PRMT9: variants seen among roughly 807,000 people sequenced by gnomAD.
The protein encoded by PRMT9 is protein arginine N-methyltransferase 9.
A neutral mutation model predicts 83.2 loss-of-function variants in PRMT9; 59 were observed. The observed-to-expected ratio is 0.71, with a 90% confidence interval of 0.57 to 0.88. PRMT9 has a LOEUF of 0.88. PRMT9 is among the 40% of genes least tolerant of loss of function. The probability of loss-of-function intolerance (pLI) is 0.00; values close to 1 mark genes in which losing one functional copy is unlikely to be tolerated. For synonymous variants in PRMT9, 333 were observed against 353.2 expected (o/e 0.94, Z 0.64); for missense variants, 947 against 1,021.9 (o/e 0.93, Z 1.00).
chr4:147,682,579 G>A (rs562259281), intron 1 of PRMT9, among the ~76,000 whole-genome samples: 5 of 152,280 alleles, frequency 3.3e-5, no homozygotes, highest in African/African-American at 1.2e-4. Context: ...CAAAGTGCTG[G>A]GATTACAGGC....
rs747281440 is a variant in PRMT9 at position 147,673,798 on chromosome 4, C to T, written c.415G>A (p.Glu139Lys). 5.6e-6 allele frequency: 9 copies of T among 1,614,048 alleles called. No homozygotes were observed. The highest frequency in any genetic ancestry group is 7.6e-6 in the Non-Finnish European group (9 of 1,180,024). The change falls in exon 3 of 12, where the codon GAG (glutamate) becomes AAG (lysine). Residue 139 changes from glutamate to lysine, a missense_variant. Glu to Lys is a moderately conservative substitution (Grantham distance 56). Transcript: ENST00000322396. ...KLNPDFSDAK[E>K]NFYRVANWLV... Reference sequence around the variant, plus strand: ...CAGTTTGCAACACGATAAAAATTCTCCTTTGCATCACTGAAATCAGGGTTT... The same window carrying T: ...CAGTTTGCAACACGATAAAAATTCTTCTTTGCATCACTGAAATCAGGGTTT...
chr4:147,652,791 G>A (rs925924284), intron 9 of PRMT9, among the ~76,000 whole-genome samples: 1 of 151,398 alleles, frequency 6.6e-6, no homozygotes, highest in Non-Finnish European at 1.5e-5. Context: ...GCTTTCCACA[G>A]TAGTATGTGT....
chr4:147,649,003 T>C (rs1733920110), intron 9 of PRMT9, among the ~76,000 whole-genome samples: 1 of 152,180 alleles, frequency 6.6e-6, no homozygotes, highest in Non-Finnish European at 1.5e-5. Context: ...CAGAAATCTT[T>C]TGCAAAGCTA....
intron 6 of PRMT9, among the ~76,000 whole-genome samples, chr4:147,662,370 A>C (rs542099369): frequency 6.6e-6 from 1 of 152,312 alleles, no homozygotes; most frequent in Non-Finnish European, 1.5e-5. Flanking sequence ...CTTCCTGCAC[A>C]CTTTATATTA....
intron 11 of PRMT9, 53 bp from the exon 12 acceptor site, chr4:147,638,800 A>G (rs1312669661): frequency 4.5e-5 from 64 of 1,410,192 alleles, no homozygotes; most frequent in Middle Eastern, 1.9e-4. Context: ...GTAGACTTAG[A>G]TAAGTCTCTT....
intron 6 of PRMT9, among the ~76,000 whole-genome samples, chr4:147,664,513 T>C (rs1735187063): frequency 6.6e-6 from 1 of 152,214 alleles, no homozygotes; most frequent in South Asian, 2.1e-4. Context: ...TTGCAGGCTG[T>C]ACATTTTGGA....
In PRMT9 at chr4:147,657,907, T is replaced by A. The variant is rs770313036; in HGVS notation, c.1215A>T (p.Leu405=). The A allele has an allele frequency of 6.2e-7, 1 of 1,607,294 alleles. No homozygotes were observed. Among genetic ancestry groups the A allele is most frequent in the South Asian group, 1.1e-5 (1 of 90,602 alleles). The change falls in exon 8 of 12, where the codon CTA becomes CTT. Residue 405 remains leucine (L), a synonymous_variant. Coordinates refer to ENST00000322396, the MANE Select transcript of PRMT9 (RefSeq NM_138364.4). The part of the protein sequence containing the change: ...IGIPVIKEGI[L]DAIMVWFVLQ... ...GCACAAACCAAACCATAATAGCATC[T>A]AGTATGCCTTCTTTAATAACAGGAA...
intron 2 of PRMT9, among the ~76,000 whole-genome samples, chr4:147,678,795 T>C (rs1388599866): frequency 2.6e-5 from 4 of 152,186 alleles, no homozygotes; most frequent in African/African-American, 9.7e-5. Flanking sequence ...CTGTCATAAC[T>C]CACCGTGGGA....
At chr4:147,672,846 C>T in intron 4 of PRMT9, 113 bp downstream of exon 4, 1 of 757,650 alleles carries the variant, frequency 1.3e-6, no homozygotes, top group Non-Finnish European at 2.3e-6. Flanking sequence ...ATATCCATAT[C>T]TTTACAAAAT....
At chr4:147,682,782 A>T (rs1736576111) in intron 1 of PRMT9, among the ~76,000 whole-genome samples, 1 of 152,214 alleles carries the variant, frequency 6.6e-6, no homozygotes, top group South Asian at 2.1e-4. Flanking sequence ...TCTCCTCCTC[A>T]AGTAGGACAG....
chr4:147,648,063 T>A (rs1031111190), intron 9 of PRMT9, among the ~76,000 whole-genome samples: 2 of 152,204 alleles, frequency 1.3e-5, no homozygotes, highest in Non-Finnish European at 2.9e-5. Context: ...ATATTGTGAT[T>A]ATAATAAGAT....
intron 3 of PRMT9, among the ~76,000 whole-genome samples, chr4:147,673,412 G>C (rs1425795203): frequency 6.6e-6 from 1 of 151,674 alleles, no homozygotes; most frequent in Non-Finnish European, 1.5e-5. Flanking sequence ...ACATAAAAAA[G>C]ACTCAAATTC....
intron 1 of PRMT9, 41 bp downstream of exon 1, chr4:147,683,758 G>A (rs1736664308): frequency 6.0e-6 from 8 of 1,334,124 alleles, no homozygotes; most frequent in Non-Finnish European, 8.4e-6. Context: ...TTTTTACGAG[G>A]ACGTTGGATC....
At position 147,684,039 on chromosome 4, in the gene PRMT9, G is replaced by A. The variant is rs1736696927; in HGVS notation, c.-52C>T. The stretch of plus-strand genomic sequence containing the variant: ...GGAAGATATTTTGTAAACGTAATTA[G>A]AAAACTCTCTCGATGCTACACTTCC... On this transcript the variant is annotated 5_prime_UTR_variant, in exon 1 of 12. Coordinates refer to ENST00000322396, the MANE Select transcript of PRMT9 (RefSeq NM_138364.4). The A allele has an allele frequency of 1.3e-6, 2 of 1,562,990 alleles. No individual in the cohort carries two copies.
At chr4:147,643,329 G>C (rs968872729) in intron 9 of PRMT9, among the ~76,000 whole-genome samples, 2 of 152,038 alleles carry the variant, frequency 1.3e-5, no homozygotes, top group Non-Finnish European at 2.9e-5. Flanking sequence ...ATAAACATCA[G>C]TAACTAAGAA....
At chr4:147,662,314 G>A (rs573115935) in intron 6 of PRMT9, among the ~76,000 whole-genome samples, 1 of 152,352 alleles carries the variant, frequency 6.6e-6, no homozygotes, top group South Asian at 2.1e-4. Context: ...AAGTCAGATA[G>A]TAGGTGCTCT....
chr4:147,672,867 T>C lies in PRMT9; in HGVS notation c.743+92A>G, dbSNP rs983590338. On this transcript the variant is annotated intron_variant, in intron 4 of 11. Coordinates refer to ENST00000322396, the MANE Select transcript of PRMT9 (RefSeq NM_138364.4). ...ATATCTTTACAAAATAAGGGTTTTGTAGCATTTTGTTTGGACTAAAAGCTA... is the reference window on the plus strand; with the variant it reads ...ATATCTTTACAAAATAAGGGTTTTGCAGCATTTTGTTTGGACTAAAAGCTA... 1.7e-5 allele frequency: 17 copies of C among 990,654 alleles called. No individual in the cohort carries two copies. In the African/African-American group the frequency reaches 2.4e-4, roughly 14 times the overall value. The allele number at this position is 990,654 out of a possible 1,614,324, so 61.4% of individuals were successfully genotyped here.
intron 7 of PRMT9, among the ~76,000 whole-genome samples, chr4:147,658,339 A>G (rs2654947): frequency 0.98 from 149,020 of 152,024 alleles, 73,099 homozygotes; most frequent in East Asian, 1. Flanking sequence ...GAGAGAGAGC[A>G]TGTGTTTAAG....
In PRMT9 at chr4:147,680,300, G is replaced by A. The variant is rs775768271; in HGVS notation, c.338+23C>T. On this transcript the variant is annotated intron_variant, in intron 2 of 11. Transcript: ENST00000322396. The stretch of plus-strand genomic sequence containing the variant: ...ACTAATACAGAATAATTCTTAACAA[G>A]TAATACTAAAATCACTACAAACCTG... 8.7e-6 allele frequency: 14 copies of A among 1,608,700 alleles called. 1 individual carries two copies. The South Asian group carries it at 9.9e-5, about 11-fold the overall frequency.
Sources: gnomAD v4.1 joint callset for allele counts (sites outside exome capture counted in the v4.1 genomes callset) on GRCh38, gnomAD v4.1.1 for gene constraint, MANE v1.5 for transcripts, NCBI Gene and HGNC (gene_info 2026-07-23, HGNC 2026-07-21) for gene names.